RBFOX1: variants seen among roughly 807,000 people sequenced by gnomAD.
RBFOX1 encodes RNA binding fox-1 homolog 1.
RBFOX1 carries 8 observed loss-of-function variants against 57.7 expected under a neutral mutation model. The observed-to-expected ratio is 0.14, with a 90% CI of 0.08 to 0.25. RBFOX1 has a LOEUF of 0.25. RBFOX1 is among the 10% of genes least tolerant of loss of function. The probability of loss-of-function intolerance (pLI) is 1.00; values close to 1 mark genes in which losing one functional copy is unlikely to be tolerated. For synonymous variants in RBFOX1, 326 were observed against 222.4 expected (o/e 1.47, Z -4.15); for missense variants, 611 against 548.5 (o/e 1.11, Z -1.14).
At chr16:7,456,155 G>A (rs368466430) in intron 4 of RBFOX1, among the ~76,000 whole-genome samples, 2 of 152,214 alleles carry the variant, frequency 1.3e-5, no homozygotes, top group African/African-American at 4.8e-5. Flanking sequence ...GGCCAATCCT[G>A]ATTAAGGGGC....
intron 1 of RBFOX1, among the ~76,000 whole-genome samples, chr16:6,198,402 C>G (rs2097194258): frequency 6.6e-6 from 1 of 152,126 alleles, no homozygotes; most frequent in African/African-American, 2.4e-5. Flanking sequence ...TTGTCTATGA[C>G]TTTGTGAATG....
intron 3 of RBFOX1, among the ~76,000 whole-genome samples, chr16:5,641,041 C>T (rs2048852553): frequency 6.6e-6 from 1 of 151,568 alleles, no homozygotes; most frequent in Non-Finnish European, 1.5e-5. Flanking sequence ...CACCCATGCA[C>T]ACACATATGC....
At chr16:6,966,146 A>G (rs2084098459) in intron 3 of RBFOX1, among the ~76,000 whole-genome samples, 1 of 152,130 alleles carries the variant, frequency 6.6e-6, no homozygotes, top group Admixed American at 6.6e-5. Context: ...TGGTTCCACT[A>G]AAAGGAGACA....
At chr16:6,576,271 GAC>G (rs368017254) in intron 2 of RBFOX1, among the ~76,000 whole-genome samples, 3 of 152,232 alleles carry the variant, frequency 2.0e-5, no homozygotes, top group Non-Finnish European at 2.9e-5. Context: ...AGGATGTGCT[GAC>G]ACACACACTC....
At chr16:6,477,774 T>C (rs905059471) in intron 2 of RBFOX1, among the ~76,000 whole-genome samples, 1 of 152,226 alleles carries the variant, frequency 6.6e-6, no homozygotes, top group Admixed American at 6.5e-5. Context: ...AAGACTGTTT[T>C]GTCTACACTG....
At chr16:7,346,581 C>G (rs779252201) in intron 4 of RBFOX1, among the ~76,000 whole-genome samples, 6 of 151,734 alleles carry the variant, frequency 4.0e-5, no homozygotes, top group African/African-American at 1.5e-4. Flanking sequence ...CTGGTTTACT[C>G]TATAGAAGTC....
intron 2 of RBFOX1, among the ~76,000 whole-genome samples, chr16:6,467,724 A>T (rs923678195): frequency 6.6e-6 from 1 of 152,222 alleles, no homozygotes; most frequent in Admixed American, 6.5e-5. Flanking sequence ...TCTTCCATCT[A>T]TGGCTCTGGA....
At chr16:7,568,406 T>C (rs796980230) in intron 5 of RBFOX1, among the ~76,000 whole-genome samples, 10 of 152,106 alleles carry the variant, frequency 6.6e-5, no homozygotes, top group African/African-American at 1.9e-4. Flanking sequence ...GTGGTACTGG[T>C]GGGAGTGTCT....
chr16:5,891,691 A>C (rs1265548546), intron 4 of RBFOX1, among the ~76,000 whole-genome samples: 2 of 152,160 alleles, frequency 1.3e-5, no homozygotes, highest in Non-Finnish European at 2.9e-5. Context: ...GACTGGACTC[A>C]TGAAGGGATC....
intron 1 of RBFOX1, among the ~76,000 whole-genome samples, chr16:6,223,473 G>A (rs1372826670): frequency 2.0e-5 from 3 of 152,104 alleles, no homozygotes; most frequent in Admixed American, 6.5e-5. Flanking sequence ...ATTTTTTCAT[G>A]TGTCTTTTGG....
At chr16:5,908,930 T>G (rs896525455) in intron 4 of RBFOX1, among the ~76,000 whole-genome samples, 4 of 152,024 alleles carry the variant, frequency 2.6e-5, no homozygotes, top group African/African-American at 9.7e-5. Flanking sequence ...AAGCTGGCTG[T>G]CTGTCAACAG....
rs185292600 is a variant in RBFOX1 at position 7,488,690 on chromosome 16, T to G, written c.28-29457T>G. ...TGTCCATCATCTATCCATCTATCTA[T>G]ACATTCTCACATCCCTTATCTAGCT... On this transcript the variant is annotated intron_variant, in intron 4 of 15. Transcript: ENST00000550418. Among the ~76,000 whole-genome samples, 415 of 152,314 alleles carry G rather than the reference T, an allele frequency of 2.7e-3. 2 individuals are homozygous for G. Among genetic ancestry groups the G allele is most frequent in the African/African-American group, 9.6e-3 (399 of 41,572 alleles).
intron 4 of RBFOX1, among the ~76,000 whole-genome samples, chr16:7,283,554 A>G (rs1033880090): frequency 2.0e-5 from 3 of 151,934 alleles, no homozygotes; most frequent in African/African-American, 7.3e-5. Context: ...CCAGGGAAAC[A>G]CCCTTGACAT....
chr16:5,504,354 C>A (rs2043304539), intron 2 of RBFOX1, among the ~76,000 whole-genome samples: 1 of 152,252 alleles, frequency 6.6e-6, no homozygotes, highest in Non-Finnish European at 1.5e-5. Context: ...CTCTGCAACG[C>A]TTGCCCAGCC....
At chr16:5,810,546 A>T (rs544391279) in intron 3 of RBFOX1, among the ~76,000 whole-genome samples, 2 of 152,204 alleles carry the variant, frequency 1.3e-5, no homozygotes, top group African/African-American at 4.8e-5. Flanking sequence ...CTGCACTTCT[A>T]TCCCATGGTG....
chr16:6,761,621 C>G (rs1033233596), intron 3 of RBFOX1, among the ~76,000 whole-genome samples: 3 of 147,590 alleles, frequency 2.0e-5, no homozygotes, highest in African/African-American at 7.4e-5. Context: ...AGTTCTCTGC[C>G]TCAGCCTCCC....
intron 5 of RBFOX1, among the ~76,000 whole-genome samples, chr16:7,573,532 G>C (rs191628091): frequency 1.3e-5 from 2 of 152,174 alleles, no homozygotes; most frequent in East Asian, 1.9e-4. Context: ...TCTCACTTTA[G>C]AGCCAAACAT....
chr16:5,344,288 C>A (rs557680735), intron 1 of RBFOX1, among the ~76,000 whole-genome samples: 1 of 152,294 alleles, frequency 6.6e-6, no homozygotes, highest in South Asian at 2.1e-4. Context: ...CCATGTGGTC[C>A]CAGTCCTTTG....
At chr16:6,653,089 C>G (rs78241945) in intron 2 of RBFOX1, among the ~76,000 whole-genome samples, 2,155 of 152,236 alleles carry the variant, frequency 0.014, 58 homozygotes, top group African/African-American at 0.048. Flanking sequence ...GGGCTTTGAA[C>G]TTGCTCTTCG....
Sources: allele counts gnomAD v4.1 joint callset (sites outside exome capture counted in the v4.1 genomes callset), GRCh38; gene constraint gnomAD v4.1.1; transcripts MANE v1.5; gene names NCBI Gene and HGNC (gene_info 2026-07-23, HGNC 2026-07-21).